The following GRIA1 variants were observed in gnomAD, a reference collection of about 807,000 sequenced individuals.
GRIA1 encodes glutamate receptor 1.
A neutral mutation model predicts 99.2 loss-of-function variants in GRIA1; 31 were observed. The ratio of observed to expected loss-of-function variants is 0.31; its 90% CI spans 0.23 to 0.42. The LOEUF is 0.42. Among genes scored for constraint, GRIA1 ranks in the 10% least tolerant of loss-of-function variants. The pLI is 1.00. For missense variants in GRIA1, 782 were observed against 1,157.5 expected (o/e 0.68, Z 4.71); for synonymous variants, 438 against 432.4 (o/e 1.01, Z -0.16).
chr5:153,764,294 C>T (rs1032270511), intron 11 of GRIA1, 140 bp from the exon 12 acceptor site: 3 of 652,572 alleles, frequency 4.6e-6, no homozygotes, highest in Non-Finnish European at 8.4e-6. Context: ...TTTGAATTCT[C>T]ACATCTTGCT....
At chr5:153,532,181 A>G (rs1305464583) in intron 2 of GRIA1, among the ~76,000 whole-genome samples, 1 of 152,158 alleles carries the variant, frequency 6.6e-6, no homozygotes, top group African/African-American at 2.4e-5. Flanking sequence ...CTCCAGCAAA[A>G]TCATTCCCCA....
At chr5:153,613,119 C>T (rs1377656498) in intron 2 of GRIA1, among the ~76,000 whole-genome samples, 2 of 151,986 alleles carry the variant, frequency 1.3e-5, no homozygotes, top group African/African-American at 2.4e-5. Context: ...CTTTTCCTCC[C>T]CCCAATAAAA....
chr5:153,568,424 G>A (rs140058378), intron 2 of GRIA1, among the ~76,000 whole-genome samples: 1 of 152,206 alleles, frequency 6.6e-6, no homozygotes, highest in Non-Finnish European at 1.5e-5. Context: ...TAATTAGTAT[G>A]CATGTTAAAG....
chr5:153,734,265 T>A (rs1761235241), intron 11 of GRIA1, among the ~76,000 whole-genome samples: 1 of 152,220 alleles, frequency 6.6e-6, no homozygotes, highest in African/African-American at 2.4e-5. Flanking sequence ...GACCAGCTCA[T>A]AGCAGGTGCT....
chr5:153,622,898 T>C (rs181121247), intron 2 of GRIA1, among the ~76,000 whole-genome samples: 54 of 152,260 alleles, frequency 3.5e-4, no homozygotes, highest in African/African-American at 8.9e-4. Flanking sequence ...TGCAGAGGCC[T>C]AGATGCGGCA....
rs147815545 is a variant in GRIA1 at position 153,695,231 on chromosome 5, A to G, written c.1135-2813A>G. 7.1e-3 allele frequency among the ~76,000 whole-genome samples: 1,079 copies of G among 152,328 alleles called. 5 individuals are homozygous for G. The highest frequency in any genetic ancestry group is 0.011 in the Non-Finnish European group (739 of 68,018). On this transcript the variant is annotated intron_variant, in intron 8 of 15. Transcript: ENST00000285900. The stretch of plus-strand genomic sequence containing the variant: ...TCCTAAGCCTGCCTGCACTATCTGC[A>G]TAGTGTAAAGATGTTATAAAAGTAC...
At chr5:153,800,188 AC>A (rs1765916746) in intron 14 of GRIA1, among the ~76,000 whole-genome samples, 1 of 151,430 alleles carries the variant, frequency 6.6e-6, no homozygotes, top group South Asian at 2.1e-4. Context: ...CCCTCTACCT[AC>A]TCCTTCTGAG....
chr5:153,715,399 T>A (rs565806515), intron 11 of GRIA1, among the ~76,000 whole-genome samples: 1 of 152,156 alleles, frequency 6.6e-6, no homozygotes, highest in African/African-American at 2.4e-5. Context: ...ATTACTCCTC[T>A]GAATCTGTGA....
At chr5:153,631,256 A>G (rs1488122769) in intron 2 of GRIA1, among the ~76,000 whole-genome samples, 3 of 152,180 alleles carry the variant, frequency 2.0e-5, no homozygotes, top group Non-Finnish European at 4.4e-5. Context: ...GATTCACCAC[A>G]TTCTCCACAC....
chr5:153,560,522 G>A (rs538642870), intron 2 of GRIA1, among the ~76,000 whole-genome samples: 7 of 152,112 alleles, frequency 4.6e-5, no homozygotes, highest in South Asian at 2.1e-4. Flanking sequence ...TGCTGTCCTC[G>A]TGACAGTGAA....
intron 2 of GRIA1, among the ~76,000 whole-genome samples, chr5:153,520,951 T>C (rs1190471273): frequency 2.0e-5 from 3 of 152,204 alleles, no homozygotes; most frequent in Non-Finnish European, 4.4e-5. Flanking sequence ...AGAGGTTTAG[T>C]AAATTACTAA....
chr5:153,608,740 T>C (rs1379221444), intron 2 of GRIA1, among the ~76,000 whole-genome samples: 1 of 152,234 alleles, frequency 6.6e-6, no homozygotes, highest in African/African-American at 2.4e-5. Flanking sequence ...CTATTCCTAT[T>C]TTCTCTGCTT....
intron 2 of GRIA1, among the ~76,000 whole-genome samples, chr5:153,540,842 A>T (rs975907154): frequency 5.3e-5 from 8 of 152,184 alleles, no homozygotes; most frequent in Non-Finnish European, 1.2e-4. Context: ...GTAATGTTCC[A>T]GGCAAAGGGA....
intron 10 of GRIA1, among the ~76,000 whole-genome samples, chr5:153,704,183 A>G (rs1758726174): frequency 6.6e-6 from 1 of 152,260 alleles, no homozygotes; most frequent in Non-Finnish European, 1.5e-5. Context: ...AACCAGAGGA[A>G]ATCTCTAAGC....
At chr5:153,749,195 CATT>C (rs935931262) in intron 11 of GRIA1, among the ~76,000 whole-genome samples, 1 of 152,148 alleles carries the variant, frequency 6.6e-6, no homozygotes, top group African/African-American at 2.4e-5. Context: ...TCATCATCAT[CATT>C]ATGAGTAACA....
intron 3 of GRIA1, among the ~76,000 whole-genome samples, chr5:153,649,440 T>TTTAGTTAG (rs147092950): frequency 0.022 from 3,275 of 146,882 alleles, 48 homozygotes; most frequent in Non-Finnish European, 0.032. Context: ...TATTTATTTA[T>TTTAGTTAG]TTAGTTAGTT....
chr5:153,792,312 C>T (rs1323979044), intron 13 of GRIA1, among the ~76,000 whole-genome samples: 3 of 152,174 alleles, frequency 2.0e-5, no homozygotes, highest in Non-Finnish European at 4.4e-5. Context: ...ACACTATTGA[C>T]CCCAAACAGG....
At chr5:153,616,468 T>TAAA (rs11410968) in intron 2 of GRIA1, among the ~76,000 whole-genome samples, 5 of 147,804 alleles carry the variant, frequency 3.4e-5, no homozygotes, top group African/African-American at 5.0e-5. Flanking sequence ...AATGATGAGC[T>TAAA]AAAAAAAAAA....
At chr5:153,655,912 C>G in intron 5 of GRIA1, 40 bp downstream of exon 5, 1 of 1,587,034 alleles carries the variant, frequency 6.3e-7, no homozygotes, top group South Asian at 1.1e-5. Flanking sequence ...AAGTCCTTTC[C>G]AGGTTTGGGG....
Sources: allele counts gnomAD v4.1 joint callset (sites outside exome capture counted in the v4.1 genomes callset), GRCh38; gene constraint gnomAD v4.1.1; transcripts MANE v1.5; gene names NCBI Gene and HGNC (gene_info 2026-07-23, HGNC 2026-07-21).